Variants in FAAH2 observed in about 807,000 individuals in gnomAD.
FAAH2 encodes the protein fatty-acid amide hydrolase 2.
A neutral mutation model predicts 36.9 loss-of-function variants in FAAH2; 60 were observed. The observed-to-expected ratio is 1.63, with a 90% CI of 1.32 to 2.02. The LOEUF (loss-of-function observed/expected upper bound fraction) is 2.02. Ranked by LOEUF, FAAH2 falls within the 30% of genes most tolerant of loss-of-function variation. The pLI, the probability that FAAH2 is intolerant of heterozygous loss-of-function variation, is 0.00. For synonymous variants in FAAH2, 214 were observed against 143.8 expected, an observed-to-expected ratio of 1.49 and a Z score of -3.49; for missense variants, 689 against 397.5, an observed-to-expected ratio of 1.73 and a Z score of -6.23.
chrX:57,123,530 G>A, the FAAH2 span, among the ~76,000 whole-genome samples: 122 of 112,269 alleles, frequency 1.1e-3, 1 homozygote, highest in East Asian at 0.024. Flanking sequence ...TAATGGGATG[G>A]CTCGGTCAAA....
chrX:57,279,778 A>G, the FAAH2 span, among the ~76,000 whole-genome samples: 2 of 111,990 alleles, frequency 1.8e-5, no homozygotes, highest in Non-Finnish European at 3.8e-5. Context: ...ACAGGCTTTC[A>G]GTACAATTAA....
chrX:57,159,001 A>G, the FAAH2 span, among the ~76,000 whole-genome samples: 7 of 112,401 alleles, frequency 6.2e-5, no homozygotes, highest in African/African-American at 2.3e-4. Context: ...TCTTTAATCC[A>G]TCTTGAATTA....
intron 7 of FAAH2, among the ~76,000 whole-genome samples, chrX:57,423,174 G>A (rs2056078386): frequency 8.9e-6 from 1 of 111,997 alleles, no homozygotes; most frequent in Non-Finnish European, 1.9e-5. Flanking sequence ...ATAGAAGGAG[G>A]ACATTTCTAA....
At chrX:57,331,387 C>T (rs1178426356) in intron 3 of FAAH2, among the ~76,000 whole-genome samples, 1 of 110,308 alleles carries the variant, frequency 9.1e-6, no homozygotes, top group African/African-American at 3.3e-5. Context: ...AGCTTCCTCC[C>T]CATTCAGCCC....
At chrX:57,418,288 C>A (rs1203671425) in intron 7 of FAAH2, among the ~76,000 whole-genome samples, 1 of 111,850 alleles carries the variant, frequency 8.9e-6, no homozygotes, top group Non-Finnish European at 1.9e-5. Flanking sequence ...AGAAAAAACT[C>A]CTGCAGCTAG....
intron 8 of FAAH2, among the ~76,000 whole-genome samples, chrX:57,438,520 C>A (rs935574243): frequency 9.1e-6 from 1 of 110,194 alleles, no homozygotes; most frequent in Non-Finnish European, 1.9e-5. Flanking sequence ...AAGCAATCTA[C>A]AGATTTAATA....
At position 57,448,546 on chromosome X, in the gene FAAH2, G is replaced by T. The variant is rs748317673; in HGVS notation, c.1251G>T (p.Lys417Asn). 4.1e-6 allele frequency: 5 copies of T among 1,210,528 alleles called. No individual in the cohort carries two copies. In the East Asian group the frequency reaches 8.9e-5, roughly 22 times the overall value. Reference protein sequence around the residue: ...PSIGLALLEEKLRYSNEKYQK... With the variant: ...PSIGLALLEENLRYSNEKYQK... ...TAGGACTGGCTTTGTTGGAAGAAAAGCTCAGATATAGCAATGAGAAATACC... is the reference window on the plus strand; with the variant it reads ...TAGGACTGGCTTTGTTGGAAGAAAATCTCAGATATAGCAATGAGAAATACC... The change falls in exon 10 of 11, where the codon AAG (lysine) becomes AAT (asparagine). Residue 417 changes from lysine to asparagine, a missense_variant. Lys to Asn is a moderately conservative substitution (Grantham distance 94). Transcript: ENST00000374900.
At chrX:57,394,638 G>A (rs926014892) in intron 7 of FAAH2, 18 of 1,033,725 alleles carry the variant, frequency 1.7e-5, no homozygotes, top group Non-Finnish European at 2.2e-5. Context: ...CCAGGAACGG[G>A]CCTCGTCGTA....
the FAAH2 span, chrX:57,137,036 C>G: frequency 2.4e-6 from 2 of 828,258 alleles, no homozygotes; most frequent in Non-Finnish European, 2.9e-6. Flanking sequence ...TCCCTTGCTT[C>G]CTGGCGCTCA....
the FAAH2 span, among the ~76,000 whole-genome samples, chrX:57,280,966 C>A: frequency 8.9e-6 from 1 of 112,004 alleles, no homozygotes; most frequent in East Asian, 2.8e-4. Context: ...AAGAAACAAA[C>A]CCCAATTGGT....
At chrX:57,299,276 C>A (rs1167250648) in intron 2 of FAAH2, among the ~76,000 whole-genome samples, 1 of 112,096 alleles carries the variant, frequency 8.9e-6, no homozygotes, top group Non-Finnish European at 1.9e-5. Context: ...TGGGGTTCAT[C>A]CCTGGGATGC....
chrX:57,366,013 C>T (rs994939925), intron 5 of FAAH2, among the ~76,000 whole-genome samples: 1 of 111,968 alleles, frequency 8.9e-6, no homozygotes, highest in African/African-American at 3.2e-5. Context: ...CCTTGCTGTC[C>T]AGATTCTAAT....
the FAAH2 span, among the ~76,000 whole-genome samples, chrX:57,161,449 C>G: frequency 9.0e-6 from 1 of 110,642 alleles, no homozygotes; most frequent in Non-Finnish European, 1.9e-5. Flanking sequence ...TGTCTAATGT[C>G]GACAGTGGGG....
intron 10 of FAAH2, among the ~76,000 whole-genome samples, chrX:57,457,007 T>C (rs960353604): frequency 1.8e-5 from 2 of 111,220 alleles, no homozygotes; most frequent in Non-Finnish European, 1.9e-5. Flanking sequence ...TAAAAAAAAA[T>C]TCAAGTCAAT....
the FAAH2 span, among the ~76,000 whole-genome samples, chrX:57,221,894 C>A: frequency 9.0e-6 from 1 of 110,590 alleles, no homozygotes; most frequent in Non-Finnish European, 1.9e-5. Flanking sequence ...TGCTCATGAC[C>A]TCTGTAGCTT....
At chrX:57,417,090 G>T (rs900745694) in intron 7 of FAAH2, among the ~76,000 whole-genome samples, 4 of 111,776 alleles carry the variant, frequency 3.6e-5, no homozygotes, top group Non-Finnish European at 5.6e-5. Context: ...GATCATTTAT[G>T]TTCTTCTCTA....
chrX:57,414,751 C>T (rs2055794619), intron 7 of FAAH2, among the ~76,000 whole-genome samples: 1 of 110,610 alleles, frequency 9.0e-6, no homozygotes, highest in African/African-American at 3.3e-5. Context: ...AGGGCGGATT[C>T]CCTCTGTTTC....
At chrX:57,183,003 C>A in the FAAH2 span, among the ~76,000 whole-genome samples, 2 of 110,433 alleles carry the variant, frequency 1.8e-5, no homozygotes, top group Non-Finnish European at 3.8e-5. Flanking sequence ...AGGACACACA[C>A]ACACACACAA....
chrX:57,318,533 GC>G (rs1302339789), intron 3 of FAAH2, among the ~76,000 whole-genome samples: 1 of 111,536 alleles, frequency 9.0e-6, no homozygotes, highest in Non-Finnish European at 1.9e-5. Flanking sequence ...GTAATTAATA[GC>G]CTACCAATAA....
Sources: allele counts gnomAD v4.1 joint callset (sites outside exome capture counted in the v4.1 genomes callset), GRCh38; gene constraint gnomAD v4.1.1; transcripts MANE v1.5; gene names NCBI Gene and HGNC (gene_info 2026-07-23, HGNC 2026-07-21).